The following GRM8 variants were observed in gnomAD, a reference collection of about 807,000 sequenced individuals.
GRM8 encodes metabotropic glutamate receptor 8.
GRM8 carries 47 observed loss-of-function variants against 87.2 expected under a neutral mutation model. The observed-to-expected ratio is 0.54, with a 90% confidence interval of 0.43 to 0.69. GRM8 has a LOEUF of 0.69. Among genes scored for constraint, GRM8 ranks in the 30% least tolerant of loss-of-function variants. The pLI is 0.00. For synonymous variants in GRM8, 396 were observed against 404.5 expected, an observed-to-expected ratio of 0.98 and a Z score of 0.25; for missense variants, 1,019 against 1,139.2, an observed-to-expected ratio of 0.89 and a Z score of 1.52.
chr7:126,790,907 C>G (rs938821251), intron 6 of GRM8, among the ~76,000 whole-genome samples: 30 of 152,142 alleles, frequency 2.0e-4, no homozygotes, highest in Non-Finnish European at 4.3e-4. Context: ...GCCAACTGCT[C>G]TACTAGACTG....
chr7:127,225,220 T>G (rs1452191205), intron 2 of GRM8, among the ~76,000 whole-genome samples: 3 of 152,156 alleles, frequency 2.0e-5, no homozygotes. Flanking sequence ...TGGGGGTACA[T>G]CTAGGGTGGG....
intron 9 of GRM8, among the ~76,000 whole-genome samples, chr7:126,524,361 G>A (rs998197825): frequency 2.0e-5 from 3 of 152,120 alleles, no homozygotes; most frequent in Non-Finnish European, 4.4e-5. Flanking sequence ...TTAAAACACG[G>A]TTCCTTCAAG....
chr7:126,717,124 G>T (rs1329556284), intron 7 of GRM8, among the ~76,000 whole-genome samples: 1 of 152,172 alleles, frequency 6.6e-6, no homozygotes, highest in Non-Finnish European at 1.5e-5. Flanking sequence ...CTATTAGAGG[G>T]TCATGATTGT....
At chr7:126,445,983 G>A (rs1411303837) in intron 10 of GRM8, 143 bp downstream of exon 10, 1 of 935,054 alleles carries the variant, frequency 1.1e-6, no homozygotes, top group Non-Finnish European at 1.7e-6. Context: ...GGTTTTAAAT[G>A]TGATGGTGTC....
intron 3 of GRM8, among the ~76,000 whole-genome samples, chr7:127,014,756 C>T (rs1815231004): frequency 6.6e-6 from 1 of 151,920 alleles, no homozygotes; most frequent in Non-Finnish European, 1.5e-5. Flanking sequence ...TTGCCACCTG[C>T]CTTTAAATAA....
chr7:127,157,217 G>A lies in GRM8; in HGVS notation c.511-50505C>T, dbSNP rs534677492. 2.7e-4 allele frequency among the ~76,000 whole-genome samples: 40 copies of A among 145,536 alleles called. No individual in the cohort carries two copies. In the South Asian group the frequency reaches 3.1e-3, roughly 11 times the overall value. On this transcript the variant is annotated intron_variant, in intron 2 of 10. Transcript: ENST00000339582. ...AAATGAGAACAAATAAGAAAGAGGA[G>A]AAAGAAAAAGAAAGAAAAGAGGATG...
intron 9 of GRM8, among the ~76,000 whole-genome samples, chr7:126,521,963 A>G (rs74682289): frequency 0.026 from 3,901 of 152,230 alleles, 147 homozygotes; most frequent in African/African-American, 0.085. Flanking sequence ...TATCCACACA[A>G]ATTGATTTTT....
intron 2 of GRM8, among the ~76,000 whole-genome samples, chr7:127,120,093 G>T (rs1463622511): frequency 2.6e-5 from 4 of 152,110 alleles, no homozygotes; most frequent in East Asian, 3.9e-4. Flanking sequence ...GTGCACCAGG[G>T]GTCCTCAAGT....
In GRM8 at chr7:126,915,619, T is replaced by C. The variant is rs370263445; in HGVS notation, c.728-10936A>G. ...GCCTCTTCTTACCTCTTCCTTTGAATTAGAAATGTCTAAGGAGACATGGGT... is the reference window on the plus strand; with the variant it reads ...GCCTCTTCTTACCTCTTCCTTTGAACTAGAAATGTCTAAGGAGACATGGGT... On this transcript the variant is annotated intron_variant, in intron 3 of 10. Coordinates refer to ENST00000339582, the MANE Select transcript of GRM8 (RefSeq NM_000845.3). 9.9e-5 allele frequency among the ~76,000 whole-genome samples: 15 copies of C among 152,154 alleles called. No homozygotes were observed. In the East Asian group the frequency reaches 2.1e-3, roughly 22 times the overall value.
At chr7:126,926,214 A>C (rs1586480835) in intron 3 of GRM8, among the ~76,000 whole-genome samples, 1 of 152,184 alleles carries the variant, frequency 6.6e-6, no homozygotes, top group Admixed American at 6.5e-5. Context: ...TCTGAAAGTT[A>C]ATAAAATTTT....
intron 6 of GRM8, among the ~76,000 whole-genome samples, chr7:126,778,529 C>T (rs1309516430): frequency 1.3e-5 from 2 of 152,056 alleles, no homozygotes; most frequent in Non-Finnish European, 2.9e-5. Flanking sequence ...TAGATATATC[C>T]CTAAGTCCCT....
At chr7:126,775,501 T>TTTTTTTTGTTTTG (rs1819363172) in intron 6 of GRM8, among the ~76,000 whole-genome samples, 20 of 115,926 alleles carry the variant, frequency 1.7e-4, no homozygotes, top group African/African-American at 4.9e-4. Flanking sequence ...TTTTTTTTTT[T>TTTTTTTTGTTTTG]TTTTTTTACT....
chr7:126,542,505 G>C (rs1249464863), intron 8 of GRM8, among the ~76,000 whole-genome samples: 6 of 152,206 alleles, frequency 3.9e-5, no homozygotes. Flanking sequence ...TTTCTCAGGG[G>C]AGGTGAGACT....
intron 3 of GRM8, among the ~76,000 whole-genome samples, chr7:126,975,435 G>A (rs1810893869): frequency 6.6e-6 from 1 of 152,226 alleles, no homozygotes; most frequent in Admixed American, 6.5e-5. Context: ...CGTGGCCCTA[G>A]TAGGCTTCTA....
intron 3 of GRM8, among the ~76,000 whole-genome samples, chr7:127,027,234 G>A (rs1008836590): frequency 1.3e-5 from 2 of 152,130 alleles, no homozygotes; most frequent in Admixed American, 6.6e-5. Flanking sequence ...TTTGGTTACC[G>A]CAGCCTTGTA....
intron 2 of GRM8, among the ~76,000 whole-genome samples, chr7:127,170,951 A>G (rs746646820): frequency 3.9e-5 from 6 of 152,194 alleles, no homozygotes; most frequent in Non-Finnish European, 7.3e-5. Context: ...GAACTTATTC[A>G]TGTAACCAAA....
chr7:127,222,999 G>A (rs1340335896), intron 2 of GRM8, among the ~76,000 whole-genome samples: 2 of 152,156 alleles, frequency 1.3e-5, no homozygotes, highest in African/African-American at 4.8e-5. Context: ...CTCTGACCTT[G>A]AGAGAGGAAC....
intron 3 of GRM8, among the ~76,000 whole-genome samples, chr7:126,984,940 T>C (rs916618586): frequency 6.6e-6 from 1 of 152,146 alleles, no homozygotes; most frequent in South Asian, 2.1e-4. Flanking sequence ...TCATGTGATA[T>C]ATACCTGCAT....
intron 2 of GRM8, among the ~76,000 whole-genome samples, chr7:127,176,341 T>A (rs969451832): frequency 6.6e-6 from 1 of 152,182 alleles, no homozygotes; most frequent in African/African-American, 2.4e-5. Flanking sequence ...ATACCAATAA[T>A]CACTTTAAAT....
Sources: gnomAD v4.1 joint callset for allele counts (sites outside exome capture counted in the v4.1 genomes callset) on GRCh38, gnomAD v4.1.1 for gene constraint, MANE v1.5 for transcripts, NCBI Gene and HGNC (gene_info 2026-07-23, HGNC 2026-07-21) for gene names.